Variants in PDE5A observed in about 807,000 individuals in gnomAD.
PDE5A encodes the protein phosphodiesterase 5A.
In PDE5A, 67 loss-of-function variants were observed where a neutral mutation model predicts 110.2. The observed-to-expected ratio is 0.61, with a 90% CI of 0.50 to 0.75. The LOEUF is 0.75. PDE5A is among the 30% of genes least tolerant of loss of function. The probability of loss-of-function intolerance (pLI) is 0.00; values close to 1 mark genes in which losing one functional copy is unlikely to be tolerated. For missense variants in PDE5A, 862 were observed against 1,045.1 expected (o/e 0.82, Z 2.42); for synonymous variants, 328 against 351.2 (o/e 0.93, Z 0.74).
intron 14 of PDE5A, among the ~76,000 whole-genome samples, chr4:119,517,733 G>A (rs982989626): frequency 6.6e-6 from 1 of 150,942 alleles, no homozygotes; most frequent in Non-Finnish European, 1.5e-5. Flanking sequence ...TAGCATCTTA[G>A]AGCAATCCAT....
intron 2 of PDE5A, among the ~76,000 whole-genome samples, chr4:119,605,394 C>T (rs1729490702): frequency 6.6e-6 from 1 of 152,162 alleles, no homozygotes; most frequent in Admixed American, 6.5e-5. Flanking sequence ...TGCCTGTAAT[C>T]CCAGCACTTT....
chr4:119,596,817 C>G (rs1729170713), intron 2 of PDE5A, among the ~76,000 whole-genome samples: 1 of 151,928 alleles, frequency 6.6e-6, no homozygotes, highest in East Asian at 1.9e-4. Context: ...TTTTTATAAG[C>G]AGCTAGTGTT....
intron 3 of PDE5A, among the ~76,000 whole-genome samples, chr4:119,577,364 C>G (rs1728395741): frequency 6.6e-6 from 1 of 152,136 alleles, no homozygotes; most frequent in Non-Finnish European, 1.5e-5. Flanking sequence ...GATACCAAAG[C>G]CTGGCAGAGA....
At chr4:119,498,835 C>T (rs1725187286) in intron 20 of PDE5A, 97 bp from the exon 21 acceptor site, 3 of 1,252,970 alleles carry the variant, frequency 2.4e-6, no homozygotes, top group Non-Finnish European at 1.1e-6. Flanking sequence ...ACACTCATTT[C>T]ATAAGCAGAC....
chr4:119,502,279 AATC>A (rs1725373398), intron 19 of PDE5A: 1 of 214,334 alleles, frequency 4.7e-6, no homozygotes, highest in Admixed American at 5.3e-5. Context: ...GATTTCATGT[AATC>A]ATGATAATAC....
intron 1 of PDE5A, among the ~76,000 whole-genome samples, chr4:119,614,344 G>T (rs558906491): frequency 6.6e-6 from 1 of 152,212 alleles, no homozygotes; most frequent in Non-Finnish European, 1.5e-5. Flanking sequence ...ATGAGTTTCA[G>T]ATAAATAATG....
At chr4:119,601,621 G>A (rs1388798398) in intron 2 of PDE5A, among the ~76,000 whole-genome samples, 1 of 152,070 alleles carries the variant, frequency 6.6e-6, no homozygotes, top group African/African-American at 2.4e-5. Flanking sequence ...CCTTGAATTG[G>A]TAGTCAGCCT....
chr4:119,556,887 G>T (rs958103450), intron 7 of PDE5A, among the ~76,000 whole-genome samples: 2 of 152,184 alleles, frequency 1.3e-5, no homozygotes, highest in Non-Finnish European at 2.9e-5. Context: ...ATGATTTCAG[G>T]CTGAAAATGT....
At chr4:119,578,506 C>T (rs1560624605) in intron 3 of PDE5A, among the ~76,000 whole-genome samples, 1 of 152,154 alleles carries the variant, frequency 6.6e-6, no homozygotes, top group Non-Finnish European at 1.5e-5. Flanking sequence ...ACCAATGGAA[C>T]AGAACAGAGC....
intron 3 of PDE5A, among the ~76,000 whole-genome samples, chr4:119,574,458 G>A (rs1192114124): frequency 6.6e-6 from 1 of 151,998 alleles, no homozygotes; most frequent in Non-Finnish European, 1.5e-5. Flanking sequence ...TGGGATTACA[G>A]GTGTGGGCCA....
chr4:119,542,581 A>G lies in PDE5A; in HGVS notation c.1450T>C (p.Phe484Leu). The G allele has an allele frequency of 6.2e-7, 1 of 1,614,038 alleles. No individual in the cohort carries two copies. Among genetic ancestry groups the G allele is most frequent in the Non-Finnish European group, 8.5e-7 (1 of 1,179,920 alleles). ...MEENTGKVKPFNRNDEQFLEA... is the reference protein window; with the variant it reads ...MEENTGKVKPLNRNDEQFLEA... Reference sequence around the variant, plus strand: ...AGAAACTGTTCGTCATTTCGGTTGAAAGGCTTAACCTTGCCAGTATTCTCC... The same window carrying G: ...AGAAACTGTTCGTCATTTCGGTTGAGAGGCTTAACCTTGCCAGTATTCTCC... Residue 484 changes from phenylalanine (F) to leucine (L), a missense_variant, in exon 10 of 21, where the codon TTC (phenylalanine) becomes CTC (leucine). Transcript: ENST00000354960.
chr4:119,608,888 G>C (rs570917780), intron 1 of PDE5A, among the ~76,000 whole-genome samples: 1 of 152,148 alleles, frequency 6.6e-6, no homozygotes, highest in Non-Finnish European at 1.5e-5. Flanking sequence ...TAGGCCAGGC[G>C]CGGTGGCTCA....
intron 10 of PDE5A, chr4:119,541,693 C>T (rs767241866): frequency 3.3e-5 from 5 of 152,128 alleles, no homozygotes; most frequent in Admixed American, 6.5e-5. Flanking sequence ...AAGAAATCTC[C>T]ATGTTACATC....
At chr4:119,500,411 A>C (rs1725261088) in intron 20 of PDE5A, 2 of 150,092 alleles carry the variant, frequency 1.3e-5, no homozygotes, top group South Asian at 4.2e-4. Context: ...CCCACTAACC[A>C]CCTGTTTGGG....
chr4:119,559,750 C>T (rs543320613), intron 7 of PDE5A, among the ~76,000 whole-genome samples: 4 of 152,072 alleles, frequency 2.6e-5, no homozygotes, highest in Non-Finnish European at 4.4e-5. Flanking sequence ...GGTGTGGAGA[C>T]GGGATATAAT....
At chr4:119,500,474 C>A (rs1164984547) in intron 20 of PDE5A, among the ~76,000 whole-genome samples, 1 of 151,990 alleles carries the variant, frequency 6.6e-6, no homozygotes, top group Non-Finnish European at 1.5e-5. Flanking sequence ...ATTACTAAAT[C>A]TGAAATATCT....
Position 119,552,643 on chromosome 4 carries a change from C to CA in PDE5A, c.1309-7dup. The CA allele has an allele frequency of 1.3e-6, 2 of 1,491,828 alleles. No individual in the cohort carries two copies. Among genetic ancestry groups the CA allele is most frequent in the Non-Finnish European group, 1.8e-6 (2 of 1,108,618 alleles). 92.4% of individuals were successfully genotyped at this position (1,491,828 alleles called of 1,614,324 possible). On this transcript the variant is annotated splice_region_variant and splice_polypyrimidine_tract_variant and intron_variant, in intron 8 of 20. Coordinates refer to ENST00000354960, the MANE Select transcript of PDE5A (RefSeq NM_001083.4). ...ACATTTCCTGTATTTTCAGTCTAAA[C>CA]AAAAATAAAAAGAACAAAACAGCTA...
At position 119,565,291 on chromosome 4, in the gene PDE5A, C is replaced by T. The variant is rs771686519; in HGVS notation, c.993+30G>A. 4.9e-6 allele frequency: 7 copies of T among 1,429,780 alleles called. No individual in the cohort carries two copies. In the South Asian group the frequency reaches 8.2e-5, roughly 17 times the overall value. 88.6% of individuals were successfully genotyped at this position (1,429,780 alleles called of 1,614,324 possible). On this transcript the variant is annotated intron_variant, in intron 5 of 20. Transcript: ENST00000354960. ...ATGTAACAATTTTTAAAAAGTATTT[C>T]TATGCACTTTCTTTAGTAATCAGAC... is the stretch of plus-strand genomic sequence containing the variant.
intron 9 of PDE5A, chr4:119,548,675 T>C (rs1482493351): frequency 1.3e-5 from 2 of 152,212 alleles, no homozygotes; most frequent in Non-Finnish European, 1.5e-5. Context: ...TTTTTGTCTT[T>C]CTTCAGTCAA....
Sources: allele counts gnomAD v4.1 joint callset (sites outside exome capture counted in the v4.1 genomes callset), GRCh38; gene constraint gnomAD v4.1.1; transcripts MANE v1.5; gene names NCBI Gene and HGNC (gene_info 2026-07-23, HGNC 2026-07-21).